Variants in MYOM1 observed in about 807,000 individuals in gnomAD.
MYOM1 encodes myomesin-1.
MYOM1 carries 164 observed loss-of-function variants against 205.3 expected under a neutral mutation model. The ratio of observed to expected loss-of-function variants is 0.80; its 90% CI spans 0.70 to 0.91. The LOEUF (loss-of-function observed/expected upper bound fraction) is 0.91. MYOM1 is among the 40% of genes least tolerant of loss of function. MYOM1 has a pLI of 0.00. For synonymous variants in MYOM1, 772 were observed against 789.4 expected (o/e 0.98, Z 0.37); for missense variants, 2,011 against 2,127.3 (o/e 0.95, Z 1.08).
In MYOM1 at chr18:3,215,129, T is replaced by C; in HGVS notation, c.95A>G (p.Glu32Gly). Reference protein sequence around the residue: ...VRSTVSHYQREKKRSAVYTQG... With the variant: ...VRSTVSHYQRGKKRSAVYTQG... ...GGTGTAGACGGCGGAGCGTTTCTTC[T>C]CCCGCTGGTAGTGACTCACGGTGCT... The change falls in exon 2 of 38, where the codon GAG (glutamate) becomes GGG (glycine). Residue 32 changes from glutamate (E) to glycine (G), a missense_variant. Physicochemically the swap from Glu to Gly is moderately conservative, Grantham distance 98 (BLOSUM62 -2). Coordinates refer to ENST00000356443, the MANE Select transcript of MYOM1 (RefSeq NM_003803.4). The C allele has an allele frequency of 6.2e-7, 1 of 1,613,874 alleles. No homozygotes were observed. The highest frequency in any genetic ancestry group is 1.3e-5 in the African/African-American group (1 of 75,038).
rs768964274 is a variant in MYOM1 at position 3,134,661 on chromosome 18, C to T, written c.2373G>A (p.Val791=). 8 of 1,612,728 alleles carry T rather than the reference C, an allele frequency of 5.0e-6. No homozygotes were observed. In the South Asian group the frequency reaches 8.8e-5, roughly 18 times the overall value. Reference sequence around the variant, plus strand: ...CCCGACTGAGTTACCGTGAGCCCTTCACGGGGTTGTTGTTACAGGGCTCCC... The same window carrying T: ...CCCGACTGAGTTACCGTGAGCCCTTTACGGGGTTGTTGTTACAGGGCTCCC... ...GKWEPCNNNP[V]KGSRFTCHGL... Residue 791 remains valine (V), a synonymous_variant, in exon 16 of 38, where the codon GTG becomes GTA. Transcript: ENST00000356443.
At chr18:3,191,829 G>A (rs908438245) in intron 3 of MYOM1, among the ~76,000 whole-genome samples, 1 of 151,882 alleles carries the variant, frequency 6.6e-6, no homozygotes, top group African/African-American at 2.4e-5. Flanking sequence ...CCGAGTAGCT[G>A]GGACTACAGG....
At chr18:3,094,391 A>C (rs1185232876) in intron 25 of MYOM1, 85 bp from the exon 26 acceptor site, 11 of 1,306,046 alleles carry the variant, frequency 8.4e-6, no homozygotes, top group East Asian at 2.5e-5. Context: ...AAAAAAAAAA[A>C]AAACCACACA....
chr18:3,185,027 C>G (rs1341912835), intron 5 of MYOM1, among the ~76,000 whole-genome samples: 1 of 152,206 alleles, frequency 6.6e-6, no homozygotes, highest in African/African-American at 2.4e-5. Flanking sequence ...GACAGTATTT[C>G]TATTTTTGAA....
intron 1 of MYOM1, 73 bp from the exon 2 acceptor site, chr18:3,215,324 G>A: frequency 8.3e-7 from 1 of 1,207,398 alleles, no homozygotes; most frequent in Non-Finnish European, 1.1e-6. Context: ...CTAAATCAAT[G>A]TGTAAAAATC....
At chr18:3,233,720 C>T in the MYOM1 span, among the ~76,000 whole-genome samples, 2 of 152,220 alleles carry the variant, frequency 1.3e-5, no homozygotes, top group Non-Finnish European at 2.9e-5. Flanking sequence ...ACCATTCCTT[C>T]TCCAGAGGAA....
At chr18:3,123,823 A>AT (rs1489339125) in intron 19 of MYOM1, among the ~76,000 whole-genome samples, 12 of 61,686 alleles carry the variant, frequency 1.9e-4, no homozygotes, top group African/African-American at 9.7e-4. Flanking sequence ...ATTTATTTTT[A>AT]TTTATTTATT....
chr18:3,105,738 C>T (rs377565527), intron 22 of MYOM1, among the ~76,000 whole-genome samples: 3 of 152,184 alleles, frequency 2.0e-5, no homozygotes, highest in East Asian at 1.9e-4. Context: ...GTCTGTAATC[C>T]CAGCTACTTG....
At chr18:3,221,475 A>G (rs895121679), upstream of MYOM1, among the ~76,000 whole-genome samples, 5 of 152,224 alleles carry the variant, frequency 3.3e-5, no homozygotes, top group Middle Eastern at 3.2e-3. Context: ...ATACCTTGCA[A>G]GGTACAGCTT....
chr18:3,108,953 T>A (rs771037786), intron 22 of MYOM1, among the ~76,000 whole-genome samples: 2 of 151,618 alleles, frequency 1.3e-5, no homozygotes, highest in Non-Finnish European at 2.9e-5. Context: ...AGTCTACCTA[T>A]AACATCCTCC....
intron 19 of MYOM1, among the ~76,000 whole-genome samples, chr18:3,124,284 C>T (rs557894277): frequency 1.0e-4 from 15 of 147,022 alleles, no homozygotes; most frequent in South Asian, 4.2e-4. Context: ...AGCAGGCAGA[C>T]GACAAACTTT....
chr18:3,180,675 T>A (rs1201375429), intron 5 of MYOM1, among the ~76,000 whole-genome samples: 1 of 152,216 alleles, frequency 6.6e-6, no homozygotes, highest in Non-Finnish European at 1.5e-5. Context: ...ATGTATACTA[T>A]CTCCCTTATC....
chr18:3,136,171 A>C (rs2079961216), intron 14 of MYOM1, among the ~76,000 whole-genome samples: 1 of 152,000 alleles, frequency 6.6e-6, no homozygotes, highest in Non-Finnish European at 1.5e-5. Context: ...TTCCACCATG[A>C]TTGTGAGGCC....
chr18:3,172,759 C>T (rs1452702736), intron 8 of MYOM1, among the ~76,000 whole-genome samples: 1 of 152,186 alleles, frequency 6.6e-6, no homozygotes, highest in Non-Finnish European at 1.5e-5. Context: ...GATCCACCCA[C>T]CTCCGCCTCG....
chr18:3,223,372 GGAA>G (rs1422939341), upstream of MYOM1, among the ~76,000 whole-genome samples: 2 of 152,154 alleles, frequency 1.3e-5, no homozygotes, highest in African/African-American at 4.8e-5. Flanking sequence ...TTCCACGGAA[GGAA>G]AAGCTTAAAT....
At chr18:3,126,680 T>C (rs752210202) in intron 19 of MYOM1, 21 bp downstream of exon 19, 2 of 1,602,092 alleles carry the variant, frequency 1.2e-6, no homozygotes, top group Non-Finnish European at 1.7e-6. Flanking sequence ...CACGCCACAC[T>C]ACAGAAAGTC....
the MYOM1 span, among the ~76,000 whole-genome samples, chr18:3,232,946 G>A: frequency 6.6e-6 from 1 of 152,122 alleles, no homozygotes; most frequent in African/African-American, 2.4e-5. Context: ...CTGATTTGGA[G>A]GTTTGAAATT....
chr18:3,220,463 TTTACAAGGTTAAGTC>T (rs1254456675), upstream of MYOM1, among the ~76,000 whole-genome samples: 1 of 152,170 alleles, frequency 6.6e-6, no homozygotes, highest in Non-Finnish European at 1.5e-5. Flanking sequence ...TTCAGGAAAA[TTTACAAGGTTAAGTC>T]TTAGCTTCAA....
intron 18 of MYOM1, 148 bp downstream of exon 18, chr18:3,129,084 G>T: frequency 9.5e-7 from 1 of 1,058,022 alleles, no homozygotes. Context: ...TCAGATGAAA[G>T]TACACATTTC....
Sources: gnomAD v4.1 joint callset for allele counts (sites outside exome capture counted in the v4.1 genomes callset) on GRCh38, gnomAD v4.1.1 for gene constraint, MANE v1.5 for transcripts, NCBI Gene and HGNC (gene_info 2026-07-23, HGNC 2026-07-21) for gene names.